SPG7: variants seen among roughly 807,000 people sequenced by gnomAD.
SPG7 encodes SPG7 matrix AAA peptidase subunit, paraplegin.
A neutral mutation model predicts 81.9 loss-of-function variants in SPG7; 103 were observed. That is an observed-to-expected ratio of 1.26 (90% CI 1.07 to 1.48). The LOEUF (loss-of-function observed/expected upper bound fraction) is 1.48. Among genes scored for constraint, SPG7 ranks in the 40% most tolerant of loss-of-function variants. The pLI is 0.00. For missense variants in SPG7, 1,241 were observed against 1,087.3 expected (o/e 1.14, Z -1.99); for synonymous variants, 534 against 444.2 (o/e 1.20, Z -2.54).
intron 9 of SPG7, chr16:89,542,926 A>G (rs930745783): frequency 6.9e-6 from 1 of 144,964 alleles, no homozygotes; most frequent in Non-Finnish European, 1.5e-5. Flanking sequence ...TACATTAGTC[A>G]TGGTAGATCC....
At chr16:89,552,728 T>C (rs2058648607) in intron 13 of SPG7, 1 of 525,454 alleles carries the variant, frequency 1.9e-6, no homozygotes, top group Middle Eastern at 5.4e-4. Flanking sequence ...TCTTCTTGAC[T>C]CCCTGCCTGT....
intron 9 of SPG7, among the ~76,000 whole-genome samples, chr16:89,535,672 C>T (rs925178166): frequency 1.3e-5 from 2 of 152,208 alleles, no homozygotes; most frequent in African/African-American, 4.8e-5. Context: ...GAGACCCGTC[C>T]TCAGAGGTGG....
intron 9 of SPG7, among the ~76,000 whole-genome samples, chr16:89,536,483 A>AGGCGGGCGAGGCCG (rs1304683983): frequency 1.0e-5 from 1 of 95,734 alleles, no homozygotes; most frequent in Admixed American, 9.8e-5. Flanking sequence ...GAGGCGGGTG[A>AGGCGGGCGAGGCCG]GGTCAGGTGA....
chr16:89,526,520 A>G, intron 5 of SPG7, 52 bp downstream of exon 5: 1 of 1,607,660 alleles, frequency 6.2e-7, no homozygotes, highest in Non-Finnish European at 8.5e-7. Context: ...TTGGCTTTGT[A>G]ATCTGAGAAA....
chr16:89,516,376 TA>T (rs1434708244), intron 3 of SPG7, among the ~76,000 whole-genome samples: 2 of 150,902 alleles, frequency 1.3e-5, no homozygotes, highest in Non-Finnish European at 2.9e-5. Flanking sequence ...ACCCCTTGTC[TA>T]CTAAAAATAC....
chr16:89,521,929 C>T (rs545185777), intron 3 of SPG7: 2 of 151,866 alleles, frequency 1.3e-5, no homozygotes, highest in South Asian at 4.2e-4. Flanking sequence ...CAGTGTGGGT[C>T]GTGATTCTGG....
chr16:89,511,542 C>G (rs915542818), intron 2 of SPG7, among the ~76,000 whole-genome samples: 2 of 152,252 alleles, frequency 1.3e-5, no homozygotes, highest in Non-Finnish European at 2.9e-5. Context: ...ACTGGCTCAT[C>G]TGCTGTCAGT....
rs896746598 is a variant in SPG7, at chr16:89,529,785, C to T, written c.861+206C>T. ...AATGTTGCCTGAGGGCCTCTCACCC[C>T]TAACTCTGGGGTGCCTGAGCCTTGT... On this transcript the variant is annotated intron_variant, in intron 6 of 16. Coordinates refer to ENST00000645818, the MANE Select transcript of SPG7 (RefSeq NM_003119.4). 4.4e-4 allele frequency: 276 copies of T among 634,336 alleles called. 1 individual carries two copies. Among genetic ancestry groups the T allele is most frequent in the Non-Finnish European group, 5.8e-4 (201 of 346,992 alleles). 39.3% of individuals were successfully genotyped at this position (634,336 alleles called of 1,614,324 possible).
chr16:89,550,702 G>A (rs1396823844), intron 13 of SPG7, 93 bp downstream of exon 13: 1 of 827,944 alleles, frequency 1.2e-6, no homozygotes, highest in East Asian at 2.6e-5. Flanking sequence ...AGTCCCGCCT[G>A]TGTCTGTAGC....
At chr16:89,545,887 C>T (rs768284306) in intron 10 of SPG7, 5 of 442,856 alleles carry the variant, frequency 1.1e-5, no homozygotes, top group Non-Finnish European at 2.2e-5. Context: ...GGGTGTTGCG[C>T]TGTCACCCAG....
intron 11 of SPG7, 87 bp from the exon 12 acceptor site, chr16:89,547,916 T>C: frequency 2.0e-6 from 2 of 1,014,916 alleles, no homozygotes; most frequent in Non-Finnish European, 3.1e-6. Context: ...CCCGGCCATC[T>C]TTGTTCTCCC....
chr16:89,553,892 G>T lies in SPG7; in HGVS notation c.2035G>T (p.Ala679Ser). The change falls in exon 15 of 17, where the codon GCG (alanine) becomes TCG (serine). Residue 679 changes from alanine to serine, a missense_variant. Physicochemically the swap from Ala to Ser is moderately conservative, Grantham distance 99 (BLOSUM62 1). Coordinates refer to ENST00000645818, the MANE Select transcript of SPG7 (RefSeq NM_003119.4). ...CATCGGGCCCATCTCCTTCCCTGAG[G>T]CGCAGGAGGGCCTCATGGGCATCGG... ...PGIGPISFPE[A>S]QEGLMGIGRR... The T allele has an allele frequency of 1.2e-6, 2 of 1,613,234 alleles. No individual in the cohort carries two copies. Among genetic ancestry groups the T allele is most frequent in the Non-Finnish European group, 1.7e-6 (2 of 1,179,972 alleles).
At position 89,557,363 on chromosome 16, in the gene SPG7, C is replaced by G. The variant is rs956981381; in HGVS notation, c.*270C>G. 4.0e-6 allele frequency: 2 copies of G among 501,622 alleles called. No homozygotes were observed. The highest frequency in any genetic ancestry group is 1.9e-5 in the African/African-American group (1 of 51,822). The allele number at this position is 501,622 out of a possible 1,614,324, so 31.1% of individuals were successfully genotyped here. On this transcript the variant is annotated 3_prime_UTR_variant, in exon 17 of 17. Coordinates refer to ENST00000645818, the MANE Select transcript of SPG7 (RefSeq NM_003119.4). ...GAGTGAGCATGGAACACTTCGAGTT[C>G]CCAGGGTTATAGACAGTCGTTCCCA...
At chr16:89,553,416 G>T (rs1299771684) in intron 14 of SPG7, 1 of 532,446 alleles carries the variant, frequency 1.9e-6, no homozygotes, top group Non-Finnish European at 3.4e-6. Flanking sequence ...AATTGAAGCG[G>T]CTTCATTGTT....
rs995681209 is a variant in SPG7, at chr16:89,524,110, A to G, written c.481A>G (p.Ser161Gly). Residue 161 changes from serine to glycine, a missense_variant, in exon 4 of 17, where the codon AGC becomes GGC. Transcript: ENST00000645818. ...GAGCCTCCTGAATGCTCTCAGCACCAGCGGAGGCAGCATTTCCTGGAACGA... is the reference window on the plus strand; with the variant it reads ...GAGCCTCCTGAATGCTCTCAGCACCGGCGGAGGCAGCATTTCCTGGAACGA... Reference protein sequence around the residue: ...VMSLLNALSTSGGSISWNDFV... With the variant: ...VMSLLNALSTGGGSISWNDFV... The G allele has an allele frequency of 6.2e-7, 1 of 1,614,068 alleles. No individual in the cohort carries two copies. Among genetic ancestry groups the G allele is most frequent in the South Asian group, 1.1e-5 (1 of 91,082 alleles).
At chr16:89,508,653 G>C in intron 1 of SPG7, 53 bp downstream of exon 1, 3 of 1,422,178 alleles carry the variant, frequency 2.1e-6, no homozygotes, top group Middle Eastern at 2.4e-4. Flanking sequence ...TGCTCTGTAA[G>C]GCCCAGCCCG....
chr16:89,531,515 A>G (rs1315182662), intron 7 of SPG7: 2 of 282,404 alleles, frequency 7.1e-6, no homozygotes, highest in Non-Finnish European at 1.4e-5. Context: ...CAGGGATCAC[A>G]GGCGCCCACC....
intron 9 of SPG7, chr16:89,536,996 C>A: frequency 6.2e-7 from 1 of 1,613,458 alleles, no homozygotes; most frequent in Non-Finnish European, 8.5e-7. Context: ...TCTGTGCCAT[C>A]ATAAGAATAG....
At chr16:89,545,772 A>C (rs2058556470) in intron 10 of SPG7, 2 of 323,828 alleles carry the variant, frequency 6.2e-6, no homozygotes, top group Admixed American at 8.3e-5. Context: ...TGGGAATTGG[A>C]AGTTTTGCAG....
Sources: gnomAD v4.1 joint callset for allele counts (sites outside exome capture counted in the v4.1 genomes callset) on GRCh38, gnomAD v4.1.1 for gene constraint, MANE v1.5 for transcripts, NCBI Gene and HGNC (gene_info 2026-07-23, HGNC 2026-07-21) for gene names.